LRIF1: variants seen among roughly 807,000 people sequenced by gnomAD.
LRIF1 encodes ligand-dependent nuclear receptor-interacting factor 1.
Under a neutral mutation model 52.7 loss-of-function variants are expected in LRIF1, and 32 were observed. That is an observed-to-expected ratio of 0.61 (90% CI 0.46 to 0.82). LRIF1 has a LOEUF of 0.82. LRIF1 is among the 40% of genes least tolerant of loss of function. The probability of loss-of-function intolerance (pLI) is 0.00; values close to 1 mark genes in which losing one functional copy is unlikely to be tolerated. For missense variants in LRIF1, 887 were observed against 892.0 expected (o/e 0.99, Z 0.07); for synonymous variants, 323 against 317.4 (o/e 1.02, Z -0.19).
At chr1:110,935,776 C>A in the LRIF1 span, among the ~76,000 whole-genome samples, 1 of 151,698 alleles carries the variant, frequency 6.6e-6, no homozygotes, top group Non-Finnish European at 1.5e-5. Context: ...AACTAGAAAG[C>A]CTATTCAAAG....
the LRIF1 span, among the ~76,000 whole-genome samples, chr1:110,932,773 T>G: frequency 2.0e-4 from 31 of 152,344 alleles, 2 homozygotes; most frequent in East Asian, 5.8e-3. Context: ...TGCCCACTCA[T>G]TTTAGCATCC....
the LRIF1 span, chr1:110,894,852 T>G: frequency 1.3e-6 from 1 of 798,152 alleles, no homozygotes; most frequent in Non-Finnish European, 2.2e-6. Context: ...GAGGAGACCA[T>G]TTGGAAGGGA....
the LRIF1 span, among the ~76,000 whole-genome samples, chr1:110,896,489 C>G: frequency 2.0e-5 from 3 of 152,144 alleles, no homozygotes; most frequent in Non-Finnish European, 2.9e-5. Context: ...AATGGTATAA[C>G]AGATTAGAAA....
chr1:110,917,637 T>A, the LRIF1 span, among the ~76,000 whole-genome samples: 1 of 87,286 alleles, frequency 1.1e-5, no homozygotes, highest in Non-Finnish European at 2.2e-5. Flanking sequence ...TTTTTTTGTT[T>A]TTTTGTTTTT....
the LRIF1 span, among the ~76,000 whole-genome samples, chr1:110,893,764 TG>T: frequency 6.6e-6 from 1 of 152,318 alleles, no homozygotes; most frequent in Non-Finnish European, 1.5e-5. Context: ...TCAAAATTAA[TG>T]TTGGGGTAAA....
chr1:110,876,680 A>G, the LRIF1 span, among the ~76,000 whole-genome samples: 1 of 152,084 alleles, frequency 6.6e-6, no homozygotes, highest in Non-Finnish European at 1.5e-5. Flanking sequence ...TAAAATAACT[A>G]TTGTAGAATC....
chr1:110,963,286 T>TGC (rs1448682808), intron 1 of LRIF1: 1 of 183,224 alleles, frequency 5.5e-6, no homozygotes, highest in Non-Finnish European at 1.2e-5. Context: ...TTTCTGCGTG[T>TGC]GCGTGAGAAT....
At chr1:110,949,641 T>C (rs915307776) in intron 3 of LRIF1, among the ~76,000 whole-genome samples, 1 of 150,982 alleles carries the variant, frequency 6.6e-6, no homozygotes, top group African/African-American at 2.4e-5. Context: ...GCTGGTCTTG[T>C]ATTCCTGACC....
At chr1:110,883,495 T>A in the LRIF1 span, among the ~76,000 whole-genome samples, 1 of 151,996 alleles carries the variant, frequency 6.6e-6, no homozygotes, top group Non-Finnish European at 1.5e-5. Context: ...CTGAGGAACA[T>A]TGGCCCGTGG....
At chr1:110,885,823 C>G in the LRIF1 span, among the ~76,000 whole-genome samples, 2 of 152,084 alleles carry the variant, frequency 1.3e-5, no homozygotes, top group Non-Finnish European at 2.9e-5. Flanking sequence ...GAGATCACAC[C>G]ACTGCACTCC....
the LRIF1 span, among the ~76,000 whole-genome samples, chr1:110,922,554 A>C: frequency 1.3e-5 from 2 of 152,246 alleles, no homozygotes; most frequent in African/African-American, 2.4e-5. Flanking sequence ...GTAAAGATAG[A>C]GAAGATTTAG....
chr1:110,914,968 C>A, the LRIF1 span, among the ~76,000 whole-genome samples: 4 of 152,002 alleles, frequency 2.6e-5, no homozygotes, highest in Non-Finnish European at 4.4e-5. Context: ...AACATAAATG[C>A]ATGTTTATGT....
At chr1:110,925,344 TGTCA>T in the LRIF1 span, among the ~76,000 whole-genome samples, 4 of 152,210 alleles carry the variant, frequency 2.6e-5, no homozygotes, top group Admixed American at 1.3e-4. Context: ...GTCTCCAACC[TGTCA>T]GCCTACTCTG....
chr1:110,957,250 G>A (rs897620291), intron 1 of LRIF1, among the ~76,000 whole-genome samples: 26 of 141,658 alleles, frequency 1.8e-4, no homozygotes, highest in African/African-American at 6.8e-4. Flanking sequence ...GAGGTCAGGA[G>A]ATCGAGACCA....
the LRIF1 span, among the ~76,000 whole-genome samples, chr1:110,890,721 C>T: frequency 6.6e-6 from 1 of 152,194 alleles, no homozygotes; most frequent in African/African-American, 2.4e-5. Context: ...AAAAATAAAG[C>T]TTACATTGCT....
chr1:110,949,488 C>T (rs1214883391), intron 3 of LRIF1, among the ~76,000 whole-genome samples: 1 of 150,334 alleles, frequency 6.7e-6, no homozygotes, highest in Non-Finnish European at 1.5e-5. Flanking sequence ...GGTGCGATCT[C>T]GGTTCACTAC....
the LRIF1 span, chr1:110,894,339 C>T: frequency 1.4e-5 from 22 of 1,613,998 alleles, no homozygotes; most frequent in Admixed American, 1.5e-4. Flanking sequence ...CTTCATCCTG[C>T]TGCTGATTAT....
chr1:110,916,419 G>C, the LRIF1 span, among the ~76,000 whole-genome samples: 2 of 152,084 alleles, frequency 1.3e-5, no homozygotes, highest in Non-Finnish European at 2.9e-5. Context: ...GTGGTTACAT[G>C]AACTAATCAG....
intron 3 of LRIF1, among the ~76,000 whole-genome samples, 185 bp downstream of exon 3, chr1:110,949,666 C>T (rs557949970): frequency 5.3e-5 from 8 of 152,180 alleles, no homozygotes; most frequent in South Asian, 4.2e-4. Flanking sequence ...GTGATCCACC[C>T]GCCTCAGCCT....
Sources: allele counts gnomAD v4.1 joint callset (sites outside exome capture counted in the v4.1 genomes callset), GRCh38; gene constraint gnomAD v4.1.1; transcripts MANE v1.5; gene names NCBI Gene and HGNC (gene_info 2026-07-23, HGNC 2026-07-21).